Variants in WNK3 observed in about 807,000 individuals in gnomAD.
WNK3 encodes WNK lysine deficient protein kinase 3.
Under a neutral mutation model 116.7 loss-of-function variants are expected in WNK3, and 18 were observed. The ratio of observed to expected loss-of-function variants is 0.15; its 90% CI spans 0.11 to 0.23. WNK3 has a LOEUF of 0.23. Among genes scored for constraint, WNK3 ranks in the 10% least tolerant of loss-of-function variants. The pLI, the probability that WNK3 is intolerant of heterozygous loss-of-function variation, is 1.00. For synonymous variants in WNK3, 404 were observed against 469.4 expected, an observed-to-expected ratio of 0.86 and a Z score of 1.80; for missense variants, 993 against 1,323.8, an observed-to-expected ratio of 0.75 and a Z score of 3.88.
At chrX:54,283,091 A>AG (rs1217045236) in intron 10 of WNK3, among the ~76,000 whole-genome samples, 1 of 111,994 alleles carries the variant, frequency 8.9e-6, no homozygotes, top group Non-Finnish European at 1.9e-5. Flanking sequence ...CTAAGTATCC[A>AG]GAATATATAA....
chrX:54,276,877 G>A (rs918434785), intron 10 of WNK3, among the ~76,000 whole-genome samples: 39 of 111,034 alleles, frequency 3.5e-4, no homozygotes, highest in African/African-American at 9.8e-4. Flanking sequence ...TACCACGCCC[G>A]GCTAATTTTT....
At chrX:54,255,670 C>T in intron 12 of WNK3, 70 bp downstream of exon 12, 6 of 1,005,248 alleles carry the variant, frequency 6.0e-6, no homozygotes, top group Non-Finnish European at 8.0e-6. Flanking sequence ...CTCACTTCTG[C>T]AGCACTGCCC....
At chrX:54,222,814 T>C (rs1457534559) in intron 22 of WNK3, among the ~76,000 whole-genome samples, 5 of 101,358 alleles carry the variant, frequency 4.9e-5, no homozygotes, top group African/African-American at 1.8e-4. Context: ...AGGTGGAGGT[T>C]GCAGTCAGCA....
chrX:54,269,608 A>C (rs1309861690), intron 10 of WNK3, among the ~76,000 whole-genome samples: 1 of 111,773 alleles, frequency 8.9e-6, no homozygotes, highest in Non-Finnish European at 1.9e-5. Context: ...TCACCAAAAA[A>C]TATACAGGAA....
intron 22 of WNK3, among the ~76,000 whole-genome samples, chrX:54,217,560 T>C (rs1411232203): frequency 9.3e-6 from 1 of 108,095 alleles, no homozygotes; most frequent in East Asian, 2.9e-4. Context: ...AGGCGGAGGT[T>C]GCAGTGAGCC....
chrX:54,309,241 T>A, exon 4 of WNK3: 1 of 1,211,608 alleles, frequency 8.3e-7, no homozygotes, highest in Non-Finnish European at 1.1e-6. Context: ...GTGCAAGAAC[T>A]GCAACCCCTT....
At chrX:54,212,103 G>A (rs1557143933) in intron 22 of WNK3, among the ~76,000 whole-genome samples, 4 of 111,078 alleles carry the variant, frequency 3.6e-5, no homozygotes, top group African/African-American at 1.3e-4. Context: ...GTGGGTGCCT[G>A]TAGTCCCAGC....
At chrX:54,277,447 C>T (rs1178110053) in intron 10 of WNK3, among the ~76,000 whole-genome samples, 1 of 108,494 alleles carries the variant, frequency 9.2e-6, no homozygotes, top group African/African-American at 3.4e-5. Flanking sequence ...AAGGGATTCT[C>T]CTGCCTCAGT....
intron 22 of WNK3, among the ~76,000 whole-genome samples, chrX:54,214,326 A>C (rs1028532062): frequency 9.0e-6 from 1 of 111,567 alleles, no homozygotes; most frequent in Non-Finnish European, 1.9e-5. Context: ...GAAATCTCTG[A>C]GCCCAGATGG....
At chrX:54,221,498 T>C (rs113008296) in intron 22 of WNK3, among the ~76,000 whole-genome samples, 3,355 of 111,519 alleles carry the variant, frequency 0.03, 57 homozygotes, top group Non-Finnish European at 0.05. Flanking sequence ...ACACATATAT[T>C]AGAGAAATGT....
intron 22 of WNK3, among the ~76,000 whole-genome samples, chrX:54,216,186 A>C (rs1412599193): frequency 8.3e-5 from 9 of 108,135 alleles, no homozygotes; most frequent in African/African-American, 3.1e-4. Context: ...AAAACCAGAG[A>C]CCTTTGTTCA....
chrX:54,333,191 T>C (rs1434153244), exon 2 of WNK3: 26 of 1,208,537 alleles, frequency 2.2e-5, no homozygotes, highest in Non-Finnish European at 2.9e-5. Flanking sequence ...GTCCTTTATA[T>C]ACTGTTTTAA....
chrX:54,291,676 AC>A (rs2068641919), intron 10 of WNK3, among the ~76,000 whole-genome samples: 1 of 111,314 alleles, frequency 9.0e-6, no homozygotes, highest in African/African-American at 3.3e-5. Context: ...AACTAAATCT[AC>A]CCCTAGCAGA....
intron 17 of WNK3, among the ~76,000 whole-genome samples, chrX:54,246,859 C>T (rs182713240): frequency 6.9e-4 from 77 of 111,728 alleles, no homozygotes; most frequent in Non-Finnish European, 9.6e-4. Flanking sequence ...GTAAAAAGTA[C>T]AAGAGCATTG....
chrX:54,219,223 AAAG>A (rs2067733046), intron 22 of WNK3, among the ~76,000 whole-genome samples: 1 of 111,686 alleles, frequency 9.0e-6, no homozygotes, highest in African/African-American at 3.2e-5. Context: ...GAAAATCTTT[AAAG>A]AAGACAAAAA....
intron 2 of WNK3, among the ~76,000 whole-genome samples, chrX:54,327,876 G>A (rs138653661): frequency 9.1e-6 from 1 of 109,990 alleles, no homozygotes; most frequent in Non-Finnish European, 1.9e-5. Flanking sequence ...GCTGAGGTGG[G>A]AGAATCAATT....
At chrX:54,259,413 C>T (rs2068233193) in intron 10 of WNK3, 75 bp from the exon 11 acceptor site, 1 of 611,681 alleles carries the variant, frequency 1.6e-6, no homozygotes, top group African/African-American at 2.3e-5. Flanking sequence ...TGTTACTATT[C>T]AGAAAACACG....
chrX:54,249,478 GGCTGCTTGGTTT>G, exon 17 of WNK3: 11 of 1,211,556 alleles, frequency 9.1e-6, no homozygotes, highest in African/African-American at 8.7e-5. Flanking sequence ...AAGTATAGCT[GGCTGCTTGGTTT>G]CTACACTAGC....
intron 10 of WNK3, among the ~76,000 whole-genome samples, chrX:54,279,829 C>T (rs1327084883): frequency 1.8e-5 from 2 of 111,235 alleles, no homozygotes; most frequent in African/African-American, 6.5e-5. Flanking sequence ...ATGCATTTAT[C>T]GTACATAAAC....
Sources: gnomAD v4.1 joint callset for allele counts (sites outside exome capture counted in the v4.1 genomes callset) on GRCh38, gnomAD v4.1.1 for gene constraint, MANE v1.5 for transcripts, NCBI Gene and HGNC (gene_info 2026-07-23, HGNC 2026-07-21) for gene names.